PCDHGA1: variants seen among roughly 807,000 people sequenced by gnomAD.
PCDHGA1 encodes protocadherin gamma-A1.
Under a neutral mutation model 58.0 loss-of-function variants are expected in PCDHGA1, and 32 were observed. The ratio of observed to expected loss-of-function variants is 0.55; its 90% CI spans 0.42 to 0.74. The LOEUF (loss-of-function observed/expected upper bound fraction) is 0.74. PCDHGA1 is among the 30% of genes least tolerant of loss of function. The pLI, the probability that PCDHGA1 is intolerant of heterozygous loss-of-function variation, is 0.00. For synonymous variants in PCDHGA1, 498 were observed against 501.1 expected (o/e 0.99, Z 0.08); for missense variants, 1,205 against 1,182.3 (o/e 1.02, Z -0.28).
At position 141,330,729 on chromosome 5, in the gene PCDHGA1, T is replaced by C. The variant is rs749428368; in HGVS notation, c.45T>C (p.Leu15=). Residue 15 remains leucine (L), a synonymous_variant, in exon 1 of 4, where the codon CTT becomes CTC. Transcript: ENST00000517417. ...KKLTGCSRLM[L]LCLSLELLLE... ...TGACTGGCTGCAGCAGGCTGATGCT[T>C]CTGTGTCTTTCTCTGGAGCTGCTGT... 78 of 1,613,394 alleles carry C rather than the reference T, an allele frequency of 4.8e-5. No individual in the cohort carries two copies. In the Admixed American group the frequency reaches 1.3e-3, roughly 26 times the overall value.
chr5:141,379,889 CTTTTTTTTTTT>C (rs70988800), intron 1 of PCDHGA1, among the ~76,000 whole-genome samples: 218 of 50,846 alleles, frequency 4.3e-3, no homozygotes, highest in African/African-American at 5.5e-3. Flanking sequence ...GTGAAAGCCT[CTTTTTTTTTTT>C]TTTTTTTTTT....
intron 1 of PCDHGA1, chr5:141,427,778 A>T: frequency 1.4e-6 from 2 of 1,436,676 alleles, no homozygotes; most frequent in Non-Finnish European, 1.9e-6. Context: ...AGCTGCGGGC[A>T]CTGTCGTCCT....
intron 1 of PCDHGA1, among the ~76,000 whole-genome samples, chr5:141,349,763 G>T (rs1486188540): frequency 6.6e-6 from 1 of 151,916 alleles, no homozygotes; most frequent in African/African-American, 2.4e-5. Context: ...TCATGCCAGA[G>T]TTTATAAATA....
At chr5:141,394,186 C>T (rs1412149852) in intron 1 of PCDHGA1, 7 of 1,613,792 alleles carry the variant, frequency 4.3e-6, no homozygotes, top group South Asian at 1.1e-5. Context: ...GCCTCCTACT[C>T]AGCGTATATC....
chr5:141,428,091 T>A lies in PCDHGA1; in HGVS notation c.2422-66716T>A, dbSNP rs769710543. 1.1e-5 allele frequency: 17 copies of A among 1,609,000 alleles called. No homozygotes were observed. In the African/African-American group the frequency reaches 1.5e-4, roughly 14 times the overall value. On this transcript the variant is annotated intron_variant, in intron 1 of 3. Transcript: ENST00000517417. ...AGATTCGGGACACAACGCTTGGCTGTCCTACCACGTGCTGCAGGCCATCGA... is the reference window on the plus strand; with the variant it reads ...AGATTCGGGACACAACGCTTGGCTGACCTACCACGTGCTGCAGGCCATCGA...
intron 1 of PCDHGA1, chr5:141,383,335 A>G (rs768493481): frequency 3.1e-6 from 5 of 1,613,892 alleles, no homozygotes; most frequent in Non-Finnish European, 4.2e-6. Flanking sequence ...AATGGAGAAT[A>G]CAGCTCCTGG....
Position 141,370,705 on chromosome 5 carries a change from T to C in PCDHGA1, c.2421+37600T>C, listed in dbSNP as rs766733768. ...TGTGGCAAGAAGTCGACGTGTGTTC[T>C]GGAATTTGAAATGGTTGCTGAAAAG... On this transcript the variant is annotated intron_variant, in intron 1 of 3. Transcript: ENST00000517417. The C allele has an allele frequency of 5.0e-6, 8 of 1,613,842 alleles. No individual in the cohort carries two copies. Among genetic ancestry groups the C allele is most frequent in the Non-Finnish European group, 6.8e-6 (8 of 1,179,894 alleles).
intron 1 of PCDHGA1, chr5:141,409,419 CAGAT>C (rs1303289792): frequency 3.1e-6 from 5 of 1,614,028 alleles, no homozygotes; most frequent in Non-Finnish European, 3.4e-6. Context: ...AAACTGGTGA[CAGAT>C]GGAGCCCTGG....
chr5:141,413,785 C>T (rs771027783), intron 1 of PCDHGA1: 1 of 1,613,186 alleles, frequency 6.2e-7, no homozygotes, highest in Non-Finnish European at 8.5e-7. Flanking sequence ...GGAGCACTCC[C>T]TAGATCGCGA....
chr5:141,399,775 G>A, intron 1 of PCDHGA1: 2 of 1,613,282 alleles, frequency 1.2e-6, no homozygotes, highest in Non-Finnish European at 1.7e-6. Flanking sequence ...GTTGGTGGGC[G>A]ACCGAAACGA....
rs775424866 is a variant in PCDHGA1 at position 141,332,899 on chromosome 5, C to T, written c.2215C>T (p.His739Tyr). ...GGGLASMPGS[H>Y]FVGVDGVRAF... Reference sequence around the variant, plus strand: ...CGGCTTAGCGAGCATGCCCGGTTCGCACTTTGTGGGCGTGGACGGGGTTCG... The same window carrying T: ...CGGCTTAGCGAGCATGCCCGGTTCGTACTTTGTGGGCGTGGACGGGGTTCG... The change falls in exon 1 of 4, where the codon CAC becomes TAC. Residue 739 changes from histidine (H) to tyrosine (Y), a missense_variant. Transcript: ENST00000517417. This position sits in a 1 kb window ranked among gnomAD's most constrained non-coding sequence, Gnocchi z 4.6. 1 of 1,614,246 alleles carries T rather than the reference C, an allele frequency of 6.2e-7. No individual in the cohort carries two copies. The highest frequency in any genetic ancestry group is 1.7e-5 in the Admixed American group (1 of 60,036).
intron 1 of PCDHGA1, chr5:141,371,200 T>A (rs2149980452): frequency 6.2e-7 from 1 of 1,614,034 alleles, no homozygotes; most frequent in East Asian, 2.2e-5. Context: ...GCCATTGACA[T>A]GGATGAGGGC....
In PCDHGA1 at chr5:141,510,932, CCT is replaced by C. The variant is rs753455267; in HGVS notation, c.2570-12_2570-11del. 6 of 1,613,998 alleles carry C rather than the reference CCT, an allele frequency of 3.7e-6. No homozygotes were observed. The highest frequency in any genetic ancestry group is 1.1e-5 in the South Asian group (1 of 91,082). ...CTAAGTTTAGCTCCCACCTGATCTTCCTCTGTCTCTGCAGAAGCTGCTGATGG... is the reference window on the plus strand; with the variant it reads ...CTAAGTTTAGCTCCCACCTGATCTTCCTGTCTCTGCAGAAGCTGCTGATGG... On this transcript the variant is annotated splice_polypyrimidine_tract_variant and intron_variant, in intron 3 of 3. Coordinates refer to ENST00000517417, the MANE Select transcript of PCDHGA1 (RefSeq NM_018912.3).
intron 1 of PCDHGA1, chr5:141,421,678 G>C (rs903229017): frequency 3.7e-6 from 6 of 1,613,776 alleles, no homozygotes; most frequent in Non-Finnish European, 5.1e-6. Context: ...AATTCCTGGG[G>C]CGCGATTTGC....
chr5:141,490,033 A>C lies in PCDHGA1; in HGVS notation c.2422-4774A>C, dbSNP rs200482631. The C allele has an allele frequency of 4.0e-5, 65 of 1,614,116 alleles. No homozygotes were observed. Among genetic ancestry groups the C allele is most frequent in the Non-Finnish European group, 4.1e-5 (48 of 1,180,040 alleles). On this transcript the variant is annotated intron_variant, in intron 1 of 3. Transcript: ENST00000517417. This position sits in a 1 kb window ranked among gnomAD's most constrained non-coding sequence, Gnocchi z 5.4. ...CATTGGTACTCTGCTGCTCCGCCTC[A>C]ATGCCACTGATCCAGACGAGGGCAC...
Position 141,431,423 on chromosome 5 carries a change from C to A in PCDHGA1, c.2422-63384C>A, listed in dbSNP as rs868299769. 20 of 1,613,552 alleles carry A rather than the reference C, an allele frequency of 1.2e-5. No individual in the cohort carries two copies. In the Admixed American group the frequency reaches 2.2e-4, roughly 17 times the overall value. ...GGCCTCCGACGGGGGCGACCCGGTG[C>A]GCACAGGCACCGCGCGCATCCGCGT... On this transcript the variant is annotated intron_variant, in intron 1 of 3. Coordinates refer to ENST00000517417, the MANE Select transcript of PCDHGA1 (RefSeq NM_018912.3). The surrounding 1 kb of genome is among the most constrained non-coding windows in gnomAD (Gnocchi z 4.8).
intron 1 of PCDHGA1, chr5:141,384,334 C>G (rs1779970411): frequency 2.5e-6 from 4 of 1,613,846 alleles, no homozygotes; most frequent in Non-Finnish European, 2.5e-6. Flanking sequence ...TGCACAGGAC[C>G]ACGACAGTGA....
intron 1 of PCDHGA1, among the ~76,000 whole-genome samples, chr5:141,478,999 A>C (rs1220971456): frequency 2.0e-5 from 3 of 152,194 alleles, no homozygotes. Context: ...ATTAAAACTA[A>C]TAGCTTTTTG....
intron 3 of PCDHGA1, 157 bp downstream of exon 3, chr5:141,505,638 T>C: frequency 1.0e-6 from 1 of 968,044 alleles, no homozygotes; most frequent in Non-Finnish European, 1.2e-6. Context: ...ACATAAAGCC[T>C]GGAATTGTGG....
Sources: gnomAD v4.1 joint callset for allele counts (sites outside exome capture counted in the v4.1 genomes callset) on GRCh38, gnomAD v4.1.1 for gene constraint, Gnocchi (gnomAD v3.1) non-coding constraint, MANE v1.5 for transcripts, NCBI Gene and HGNC (gene_info 2026-07-23, HGNC 2026-07-21) for gene names.